TRAF3IP3: variants seen among roughly 807,000 people sequenced by gnomAD.
The protein encoded by TRAF3IP3 is TRAF3 interacting protein 3, also known as TRAF3-interacting JNK-activating modulator.
TRAF3IP3 carries 64 observed loss-of-function variants against 86.5 expected under a neutral mutation model. The observed-to-expected ratio is 0.74, with a 90% CI of 0.60 to 0.91. The LOEUF (loss-of-function observed/expected upper bound fraction) is 0.91, where lower values mean the gene tolerates loss of function less well. Among genes scored for constraint, TRAF3IP3 ranks in the 40% least tolerant of loss-of-function variants. The probability of loss-of-function intolerance (pLI) is 0.00; values close to 1 mark genes in which losing one functional copy is unlikely to be tolerated. For missense variants in TRAF3IP3, 579 were observed against 642.9 expected (o/e 0.90, Z 1.07); for synonymous variants, 220 against 243.9 (o/e 0.90, Z 0.91).
chr1:209,760,473 ACCTAAATCAAGTCCTTCTT>A, intron 3 of TRAF3IP3, 89 bp downstream of exon 3: 1 of 1,154,024 alleles, frequency 8.7e-7, no homozygotes, highest in Non-Finnish European at 1.2e-6. Context: ...CTAAAAAGTG[ACCTAAATCAAGTCCTTCTT>A]CCTCAGTCAT....
chr1:209,771,158 T>TGC (rs1571941448), intron 8 of TRAF3IP3, among the ~76,000 whole-genome samples: 3 of 120,602 alleles, frequency 2.5e-5, no homozygotes, highest in East Asian at 5.6e-4. Flanking sequence ...ATGTGAAGGT[T>TGC]GTGTGCATGT....
rs759173782 is a variant in TRAF3IP3 at position 209,782,111 on chromosome 1, C to T, written c.1619C>T (p.Ala540Val). 1.9e-6 allele frequency: 3 copies of T among 1,614,116 alleles called. No individual in the cohort carries two copies. The highest frequency in any genetic ancestry group is 2.2e-5 in the South Asian group (2 of 91,078). ...ATGGTGGTGATTGCTGCAGCACTGG[C>T]AGTGTTCCTGGCCAATAAAGACAAC... ...VLMVVIAAALAVFLANKDNLM... is the reference protein window; with the variant it reads ...VLMVVIAAALVVFLANKDNLM... Residue 540 changes from alanine (A) to valine (V), a missense_variant, in exon 17 of 17, where the codon GCA becomes GTA. Coordinates refer to ENST00000367025, the MANE Select transcript of TRAF3IP3 (RefSeq NM_025228.4).
rs1347275639 is a variant in TRAF3IP3, at chr1:209,762,523, C to T, written c.354C>T (p.Gly118=). The change falls in exon 4 of 17, where the codon GGC becomes GGT. Residue 118 remains glycine, a synonymous_variant. Coordinates refer to ENST00000367025, the MANE Select transcript of TRAF3IP3 (RefSeq NM_025228.4). ...RISSPREQVT[G]TSSEVFPAQH... ...CCCCACTTGCCTTCCAGGTGACAGG[C>T]ACCAGCTCTGAAGTCTTTCCAGCCC... 2 of 1,451,672 alleles carry T rather than the reference C, an allele frequency of 1.4e-6. No individual in the cohort carries two copies. The highest frequency in any genetic ancestry group is 3.3e-5 in the South Asian group (2 of 60,852). The allele number at this position is 1,451,672 out of a possible 1,614,324, so 89.9% of individuals were successfully genotyped here. A position where few individuals can be genotyped will look rare whatever the true frequency, so the allele number is the denominator to read the frequency against.
chr1:209,778,012 A>G, intron 12 of TRAF3IP3, 99 bp from the exon 13 acceptor site: 5 of 1,069,058 alleles, frequency 4.7e-6, no homozygotes, highest in Non-Finnish European at 7.0e-6. Flanking sequence ...CACGTTAAAG[A>G]CCATGACAAG....
rs1482419570 is a variant in TRAF3IP3 at position 209,781,410 on chromosome 1, G to T, written c.1515G>T (p.Leu505=). 1 of 1,613,648 alleles carries T rather than the reference G, an allele frequency of 6.2e-7. No individual in the cohort carries two copies. Among genetic ancestry groups the T allele is most frequent in the East Asian group, 2.2e-5 (1 of 44,876 alleles). ...SDEYLSCLRK[L]QHCREELNQS... ...AGTATCTCTCCTGCCTGCGTAAGCT[G>T]CAGCACTGTCGAGAAGAGCTGAACC... Residue 505 remains leucine (L), a synonymous_variant, in exon 16 of 17, where the codon CTG becomes CTT. Transcript: ENST00000367025.
chr1:209,773,752 C>T (rs372050715), intron 9 of TRAF3IP3, among the ~76,000 whole-genome samples: 11 of 152,206 alleles, frequency 7.2e-5, no homozygotes, highest in Admixed American at 5.9e-4. Flanking sequence ...TGGTCCACAA[C>T]TTTCATTTTT....
rs929113911 is a variant in TRAF3IP3 at position 209,773,106 on chromosome 1, A to C, written c.774+87A>C. The C allele has an allele frequency of 2.6e-5, 31 of 1,174,440 alleles. No individual in the cohort carries two copies. In the African/African-American group the frequency reaches 3.1e-4, roughly 12 times the overall value. The allele number at this position is 1,174,440 out of a possible 1,614,324, so 72.8% of individuals were successfully genotyped here. On this transcript the variant is annotated intron_variant, in intron 9 of 16. Transcript: ENST00000367025. Reference sequence around the variant, plus strand: ...TGAACCTCAATCTTACTTTCGAGAAACACCACCAGATAGAGAATAACACAC... The same window carrying C: ...TGAACCTCAATCTTACTTTCGAGAACCACCACCAGATAGAGAATAACACAC...
intron 3 of TRAF3IP3, 106 bp from the exon 4 acceptor site, chr1:209,762,409 C>T: frequency 8.6e-7 from 1 of 1,165,528 alleles, no homozygotes; most frequent in Non-Finnish European, 1.1e-6. Context: ...AATAAACACT[C>T]AGTCCATAAC....
intron 16 of TRAF3IP3, 178 bp downstream of exon 16, chr1:209,781,636 T>C (rs2077782717): frequency 5.7e-6 from 3 of 524,992 alleles, no homozygotes; most frequent in Non-Finnish European, 1.0e-5. Context: ...GGCTCGTCCA[T>C]CAAAGCCCAA....
intron 9 of TRAF3IP3, among the ~76,000 whole-genome samples, chr1:209,774,964 A>G (rs963848475): frequency 1.3e-5 from 2 of 152,178 alleles, no homozygotes; most frequent in African/African-American, 4.8e-5. Context: ...AGGAAGTGAG[A>G]GAGAAAATGA....
intron 13 of TRAF3IP3, 160 bp from the exon 14 acceptor site, chr1:209,779,155 C>G (rs1401272413): frequency 1.3e-5 from 8 of 615,204 alleles, no homozygotes; most frequent in Non-Finnish European, 1.4e-5. Flanking sequence ...ATTTAAGGTA[C>G]TGAGGGTTAG....
chr1:209,772,248 G>C (rs1275747518), intron 8 of TRAF3IP3, among the ~76,000 whole-genome samples: 1 of 152,090 alleles, frequency 6.6e-6, no homozygotes, highest in South Asian at 2.1e-4. Context: ...TTTCTCCTGC[G>C]GTCTCTCTTC....
intron 8 of TRAF3IP3, among the ~76,000 whole-genome samples, chr1:209,769,315 G>C (rs1172044173): frequency 6.6e-6 from 1 of 152,178 alleles, no homozygotes; most frequent in East Asian, 1.9e-4. Flanking sequence ...ACAATGAACA[G>C]GCCACAGTGG....
At position 209,782,141 on chromosome 1, in the gene TRAF3IP3, T is replaced by C. The variant is rs1201569850; in HGVS notation, c.1649T>C (p.Met550Thr). The C allele has an allele frequency of 1.2e-6, 2 of 1,613,530 alleles. No individual in the cohort carries two copies. The highest frequency in any genetic ancestry group is 1.7e-6 in the Non-Finnish European group (2 of 1,179,528). The change falls in exon 17 of 17, where the codon ATG becomes ACG. Residue 550 changes from methionine to threonine, a missense_variant. Coordinates refer to ENST00000367025, the MANE Select transcript of TRAF3IP3 (RefSeq NM_025228.4). ...AVFLANKDNLMI is the reference protein window; with the variant it reads ...AVFLANKDNLTI ...TTCCTGGCCAATAAAGACAACCTGATGATCTGAATAATTTGTGACAACTGC... is the reference window on the plus strand; with the variant it reads ...TTCCTGGCCAATAAAGACAACCTGACGATCTGAATAATTTGTGACAACTGC...
chr1:209,777,318 C>A, intron 11 of TRAF3IP3, 34 bp from the exon 12 acceptor site: 1 of 1,591,548 alleles, frequency 6.3e-7, no homozygotes. Context: ...CAACACTGAC[C>A]TCCTTCTATA....
At chr1:209,771,502 G>GT (rs2077523223) in intron 8 of TRAF3IP3, among the ~76,000 whole-genome samples, 1 of 131,260 alleles carries the variant, frequency 7.6e-6, no homozygotes, top group African/African-American at 3.1e-5. Flanking sequence ...TGCATGTGAA[G>GT]GTGTGTGTGA....
Position 209,775,329 on chromosome 1 carries a change from G to A in TRAF3IP3, c.775-20G>A. 1 of 1,597,776 alleles carries A rather than the reference G, an allele frequency of 6.3e-7. No homozygotes were observed. The highest frequency in any genetic ancestry group is 1.1e-5 in the South Asian group (1 of 89,156). On this transcript the variant is annotated intron_variant, in intron 9 of 16. Transcript: ENST00000367025. ...CACAGAAGCTCAATGTGTATTTGTT[G>A]AATTGCATCAAATTTACAGAAATAC... is the stretch of plus-strand genomic sequence containing the variant.
chr1:209,777,236 C>G, intron 11 of TRAF3IP3, 116 bp from the exon 12 acceptor site: 1 of 865,630 alleles, frequency 1.2e-6, no homozygotes, highest in Non-Finnish European at 1.7e-6. Flanking sequence ...CCCTAACATT[C>G]CTTCTATCTC....
chr1:209,781,549 C>A, intron 16 of TRAF3IP3, 91 bp downstream of exon 16: 1 of 897,220 alleles, frequency 1.1e-6, no homozygotes, highest in South Asian at 1.4e-5. Flanking sequence ...TCAGCCCACG[C>A]CAACAACTGG....
Sources: allele counts gnomAD v4.1 joint callset (sites outside exome capture counted in the v4.1 genomes callset), GRCh38; gene constraint gnomAD v4.1.1; transcripts MANE v1.5; gene names NCBI Gene and HGNC (gene_info 2026-07-23, HGNC 2026-07-21).